LINGO2: variants seen among roughly 807,000 people sequenced by gnomAD.
LINGO2 encodes leucine rich repeat and Ig domain containing 2.
In LINGO2, 14 loss-of-function variants were observed where a neutral mutation model predicts 30.6. The ratio of observed to expected loss-of-function variants is 0.46; its 90% CI spans 0.30 to 0.72. LINGO2 has a LOEUF of 0.72. Among genes scored for constraint, LINGO2 ranks in the 30% least tolerant of loss-of-function variants. The pLI, the probability that LINGO2 is intolerant of heterozygous loss-of-function variation, is 0.07. For synonymous variants in LINGO2, 317 were observed against 288.5 expected, an observed-to-expected ratio of 1.10 and a Z score of -1.00; for missense variants, 729 against 751.7, an observed-to-expected ratio of 0.97 and a Z score of 0.35.
the LINGO2 span, among the ~76,000 whole-genome samples, chr9:29,031,015 T>C: frequency 2.6e-5 from 4 of 152,158 alleles, no homozygotes; most frequent in Non-Finnish European, 2.9e-5. Context: ...GTGGCATGAA[T>C]GGACAAAGAC....
chr9:29,018,093 A>T, the LINGO2 span, among the ~76,000 whole-genome samples: 11 of 20,220 alleles, frequency 5.4e-4, no homozygotes, highest in East Asian at 4.4e-3. Flanking sequence ...TATACATTTT[A>T]TATATATATA....
chr9:28,716,332 G>A, the LINGO2 span, among the ~76,000 whole-genome samples: 1 of 152,086 alleles, frequency 6.6e-6, no homozygotes, highest in African/African-American at 2.4e-5. Context: ...GAGGGATGGA[G>A]TATGTGAAAG....
chr9:28,383,920 G>C (rs1821460655), intron 2 of LINGO2, among the ~76,000 whole-genome samples: 1 of 151,888 alleles, frequency 6.6e-6, no homozygotes. Flanking sequence ...AAAGAATCTG[G>C]GGTAGAGAAA....
intron 2 of LINGO2, among the ~76,000 whole-genome samples, chr9:28,459,792 C>T (rs1480139728): frequency 6.6e-6 from 1 of 151,644 alleles, no homozygotes; most frequent in Non-Finnish European, 1.5e-5. Flanking sequence ...GTATTTATAC[C>T]GTTAAGTAAT....
At chr9:28,101,791 T>A (rs964054171) in intron 4 of LINGO2, among the ~76,000 whole-genome samples, 4 of 152,144 alleles carry the variant, frequency 2.6e-5, no homozygotes, top group African/African-American at 9.7e-5. Flanking sequence ...GCGGATTACA[T>A]TCCCCTGCCA....
the LINGO2 span, among the ~76,000 whole-genome samples, chr9:28,915,076 A>T: frequency 6.6e-6 from 1 of 152,072 alleles, no homozygotes; most frequent in Non-Finnish European, 1.5e-5. Context: ...AGGTTGCAGT[A>T]AGCCGAGATC....
At chr9:28,874,598 A>C in the LINGO2 span, among the ~76,000 whole-genome samples, 24 of 152,054 alleles carry the variant, frequency 1.6e-4, no homozygotes, top group Non-Finnish European at 2.6e-4. Flanking sequence ...TAAGTACATT[A>C]GGCAAAATCC....
intron 1 of LINGO2, among the ~76,000 whole-genome samples, chr9:28,484,538 T>C (rs1185840045): frequency 6.6e-6 from 1 of 152,068 alleles, no homozygotes; most frequent in African/African-American, 2.4e-5. Flanking sequence ...GGCAGCCACA[T>C]TCCTCACGTG....
intron 1 of LINGO2, among the ~76,000 whole-genome samples, chr9:28,595,772 C>T (rs16913363): frequency 0.17 from 26,528 of 151,956 alleles, 2,590 homozygotes; most frequent in Admixed American, 0.28. Context: ...AGGATCACAG[C>T]GGGGGAAACC....
chr9:28,487,935 G>A (rs1187164346), intron 1 of LINGO2, among the ~76,000 whole-genome samples: 1 of 152,100 alleles, frequency 6.6e-6, no homozygotes, highest in African/African-American at 2.4e-5. Context: ...TAGATCAAAA[G>A]CCAAACAAAA....
intron 4 of LINGO2, among the ~76,000 whole-genome samples, chr9:28,286,873 C>T (rs1340951605): frequency 6.6e-6 from 1 of 152,104 alleles, no homozygotes; most frequent in African/African-American, 2.4e-5. Context: ...AGACTTAACA[C>T]CTGGACGATT....
chr9:28,837,691 C>G, the LINGO2 span, among the ~76,000 whole-genome samples: 1 of 72,648 alleles, frequency 1.4e-5, no homozygotes, highest in Non-Finnish European at 3.0e-5. Context: ...TTTAGGATAA[C>G]AGGGGATGCC....
the LINGO2 span, among the ~76,000 whole-genome samples, chr9:28,991,123 T>G: frequency 5.9e-5 from 9 of 152,056 alleles, no homozygotes; most frequent in South Asian, 2.1e-4. Flanking sequence ...ATCACAAAAA[T>G]TTAGACGAAT....
At chr9:28,064,520 A>C (rs891111836) in intron 4 of LINGO2, among the ~76,000 whole-genome samples, 3 of 152,162 alleles carry the variant, frequency 2.0e-5, no homozygotes, top group African/African-American at 7.2e-5. Context: ...GTTGATAGCA[A>C]CGGGACTTTC....
At chr9:28,327,980 C>T (rs888776160) in intron 3 of LINGO2, among the ~76,000 whole-genome samples, 4 of 152,280 alleles carry the variant, frequency 2.6e-5, no homozygotes, top group South Asian at 4.1e-4. Context: ...CATACACTCT[C>T]AGCAGCCAGG....
intron 5 of LINGO2, among the ~76,000 whole-genome samples, chr9:27,967,677 T>G (rs1820164064): frequency 6.6e-6 from 1 of 152,200 alleles, no homozygotes; most frequent in Non-Finnish European, 1.5e-5. Context: ...ATCAACTATC[T>G]AAATGATCAC....
At chr9:29,169,619 G>C in the LINGO2 span, among the ~76,000 whole-genome samples, 1 of 152,246 alleles carries the variant, frequency 6.6e-6, no homozygotes, top group African/African-American at 2.4e-5. Context: ...TTATTAAAAA[G>C]TCAAAAATCA....
chr9:27,971,170 G>A lies in LINGO2; in HGVS notation c.-35-20464C>T, dbSNP rs1028651296. 2.0e-5 allele frequency among the ~76,000 whole-genome samples: 3 copies of A among 151,606 alleles called. No individual in the cohort carries two copies. In the East Asian group the frequency reaches 5.8e-4, roughly 29 times the overall value. On this transcript the variant is annotated intron_variant, in intron 5 of 5. Coordinates refer to ENST00000379992, the Ensembl canonical transcript of LINGO2. Reference sequence around the variant, plus strand: ...ATTTTTCACAATAAACATACTAAACGTCACAATCTATCTTTTTTCCCTCCT... The same window carrying A: ...ATTTTTCACAATAAACATACTAAACATCACAATCTATCTTTTTTCCCTCCT...
chr9:28,365,714 G>T (rs940553487), intron 3 of LINGO2, among the ~76,000 whole-genome samples: 18 of 151,328 alleles, frequency 1.2e-4, no homozygotes, highest in Non-Finnish European at 7.4e-5. Context: ...CCTTTTCAGA[G>T]TTAAAGAATG....
Sources: allele counts gnomAD v4.1 joint callset (sites outside exome capture counted in the v4.1 genomes callset), GRCh38; gene constraint gnomAD v4.1.1; transcripts MANE v1.5; gene names NCBI Gene and HGNC (gene_info 2026-07-23, HGNC 2026-07-21).